ZNF710: variants seen among roughly 807,000 people sequenced by gnomAD.
The protein encoded by ZNF710 is zinc finger protein 710.
In ZNF710, 13 loss-of-function variants were observed where a neutral mutation model predicts 50.6. The ratio of observed to expected loss-of-function variants is 0.26; its 90% CI spans 0.17 to 0.41. The LOEUF is 0.41. ZNF710 is among the 10% of genes least tolerant of loss of function. The probability of loss-of-function intolerance (pLI) is 1.00; values close to 1 mark genes in which losing one functional copy is unlikely to be tolerated. For missense variants in ZNF710, 721 were observed against 936.6 expected (o/e 0.77, Z 3.01); for synonymous variants, 383 against 397.0 (o/e 0.96, Z 0.42).
At chr15:90,069,568 T>C (rs1362678527) in intron 2 of ZNF710, among the ~76,000 whole-genome samples, 1 of 152,132 alleles carries the variant, frequency 6.6e-6, no homozygotes, top group Non-Finnish European at 1.5e-5. Flanking sequence ...TGGTCAGAAG[T>C]ACAGAGGGTG....
At chr15:90,008,453 T>TATATATATACAC (rs1898208603) in intron 1 of ZNF710, among the ~76,000 whole-genome samples, 25 of 127,914 alleles carry the variant, frequency 2.0e-4, no homozygotes, top group African/African-American at 8.3e-4. Context: ...TATATATATA[T>TATATATATACAC]GTATATATAT....
Position 90,067,020 on chromosome 15 carries a change from A to C in ZNF710, c.-28-90A>C. ...AAGACATCAGAGCCAGACACACCCA[A>C]AATCAGCCAAGCCCTTGTCTGTGCT... On this transcript the variant is annotated intron_variant, in intron 1 of 4. Coordinates refer to ENST00000268154, the MANE Select transcript of ZNF710 (RefSeq NM_198526.4). This position sits in a 1 kb window ranked among gnomAD's most constrained non-coding sequence, Gnocchi z 8.1. 7.0e-6 allele frequency: 10 copies of C among 1,429,194 alleles called. No individual in the cohort carries two copies. The South Asian group carries it at 1.5e-4, about 21-fold the overall frequency. The allele number at this position is 1,429,194 out of a possible 1,614,324, so 88.5% of individuals were successfully genotyped here.
In ZNF710 at chr15:90,080,829, G is replaced by C. The variant is rs1900704727; in HGVS notation, c.*1000G>C. On this transcript the variant is annotated 3_prime_UTR_variant, in exon 5 of 5. Coordinates refer to ENST00000268154, the MANE Select transcript of ZNF710 (RefSeq NM_198526.4). ...GTAAAGCCCACAGAGGGAAATCAAG[G>C]GTTTTTTTGAGCAAAGGGGGTCTTC... The C allele has an allele frequency of 6.6e-6, 1 of 152,216 alleles. No homozygotes were observed. The highest frequency in any genetic ancestry group is 6.5e-5 in the Admixed American group (1 of 15,286). 9.4% of individuals were successfully genotyped at this position (152,216 alleles called of 1,614,324 possible).
intron 1 of ZNF710, among the ~76,000 whole-genome samples, chr15:90,047,862 C>T (rs1449530911): frequency 6.6e-6 from 1 of 152,186 alleles, no homozygotes; most frequent in East Asian, 1.9e-4. Flanking sequence ...GCTGGGATTA[C>T]AGGCATGAGC....
Position 90,056,014 on chromosome 15 carries a change from G to A in ZNF710, c.-28-11096G>A, listed in dbSNP as rs113772642. ...CACCTGTAATCCTAGCTATCTGGGA[G>A]GCTGAGGCAGGAGAATCGCTTGAAC... On this transcript the variant is annotated intron_variant, in intron 1 of 4. Coordinates refer to ENST00000268154, the MANE Select transcript of ZNF710 (RefSeq NM_198526.4). Among the ~76,000 whole-genome samples, 1,467 of 151,984 alleles carry A rather than the reference G, an allele frequency of 9.7e-3. 32 individuals are homozygous for A. The highest frequency in any genetic ancestry group is 0.033 in the African/African-American group (1,384 of 41,346).
At position 90,059,466 on chromosome 15, in the gene ZNF710, C is replaced by T. The variant is rs1194645192; in HGVS notation, c.-28-7644C>T. ...TCAGTTTCCTCATCTGTTAACAGGG[C>T]CGGGTATGGTGCGCATCACGGGGGT... On this transcript the variant is annotated intron_variant, in intron 1 of 4. Coordinates refer to ENST00000268154, the MANE Select transcript of ZNF710 (RefSeq NM_198526.4). The surrounding 1 kb of genome is among the most constrained non-coding windows in gnomAD (Gnocchi z 4.1). 6.6e-6 allele frequency among the ~76,000 whole-genome samples: 1 copy of T among 152,148 alleles called. No homozygotes were observed. The highest frequency in any genetic ancestry group is 2.4e-5 in the African/African-American group (1 of 41,434).
At chr15:90,013,008 A>T (rs1264594928) in intron 1 of ZNF710, among the ~76,000 whole-genome samples, 2 of 152,140 alleles carry the variant, frequency 1.3e-5, no homozygotes, top group African/African-American at 4.8e-5. Context: ...ATTTGCAATT[A>T]TAGTTGTATT....
intron 3 of ZNF710, 117 bp from the exon 4 acceptor site, chr15:90,073,999 A>AT: frequency 1.0e-6 from 1 of 952,424 alleles, no homozygotes; most frequent in Non-Finnish European, 1.4e-6. Context: ...CAAAAAAAAA[A>AT]CAAAAAAAAA....
intron 1 of ZNF710, among the ~76,000 whole-genome samples, chr15:90,004,980 C>G (rs984917734): frequency 2.0e-5 from 3 of 152,202 alleles, no homozygotes; most frequent in African/African-American, 7.2e-5. Flanking sequence ...TCGGGATTTT[C>G]TCACATCACA....
intron 2 of ZNF710, among the ~76,000 whole-genome samples, chr15:90,072,113 G>A (rs1346914139): frequency 6.6e-6 from 1 of 152,138 alleles, no homozygotes; most frequent in Non-Finnish European, 1.5e-5. Context: ...CCAGCTCCCA[G>A]CTTTTATCCT....
chr15:90,035,934 T>G (rs1899109848), intron 1 of ZNF710, among the ~76,000 whole-genome samples: 1 of 152,212 alleles, frequency 6.6e-6, no homozygotes, highest in African/African-American at 2.4e-5. Context: ...CACCATTGCA[T>G]GCCCCCAAGG....
intron 1 of ZNF710, among the ~76,000 whole-genome samples, chr15:90,050,539 A>G (rs1191739865): frequency 6.6e-6 from 1 of 152,132 alleles, no homozygotes; most frequent in Non-Finnish European, 1.5e-5. Context: ...TTGGGTAATA[A>G]ACACCACAGA....
chr15:90,007,502 C>G (rs546486764), intron 1 of ZNF710, among the ~76,000 whole-genome samples: 1 of 152,194 alleles, frequency 6.6e-6, no homozygotes, highest in East Asian at 1.9e-4. Context: ...GTAGCTTTCA[C>G]TGGCCTCAAG....
rs2151544903 is a variant in ZNF710 at position 90,082,140 on chromosome 15, T to C, written c.*2311T>C. On this transcript the variant is annotated 3_prime_UTR_variant, in exon 5 of 5. Coordinates refer to ENST00000268154, the MANE Select transcript of ZNF710 (RefSeq NM_198526.4). ...GCCCTACTGTGTTTTTATGTTCCTG[T>C]TTAAAAGAGAAGTTTACTTAGCAAT... is the stretch of plus-strand genomic sequence containing the variant. The C allele has an allele frequency of 6.6e-6, 1 of 152,268 alleles. No homozygotes were observed. Among genetic ancestry groups the C allele is most frequent in the Admixed American group, 6.5e-5 (1 of 15,302 alleles). 9.4% of individuals were successfully genotyped at this position (152,268 alleles called of 1,614,324 possible).
chr15:90,060,592 G>A (rs1329761453), intron 1 of ZNF710, among the ~76,000 whole-genome samples: 3 of 152,266 alleles, frequency 2.0e-5, no homozygotes, highest in African/African-American at 7.2e-5. Flanking sequence ...AGTAGCTCAC[G>A]CCTGTAATCC....
chr15:90,061,988 G>A (rs1384974539), intron 1 of ZNF710, among the ~76,000 whole-genome samples: 2 of 151,916 alleles, frequency 1.3e-5, no homozygotes, highest in African/African-American at 2.4e-5. Context: ...GCCCCCAGAC[G>A]ATGAGTCTTT....
intron 1 of ZNF710, among the ~76,000 whole-genome samples, chr15:90,020,503 C>A (rs1898584088): frequency 6.6e-6 from 1 of 152,000 alleles, no homozygotes; most frequent in African/African-American, 2.4e-5. Flanking sequence ...CGGGGAGACA[C>A]AGCATGCCAG....
chr15:90,049,149 A>C (rs1400095193), intron 1 of ZNF710, among the ~76,000 whole-genome samples: 1 of 152,242 alleles, frequency 6.6e-6, no homozygotes, highest in Non-Finnish European at 1.5e-5. Flanking sequence ...ATCAGAAGCC[A>C]GCCCCCAGTT....
chr15:90,024,345 C>T (rs1394126273), intron 1 of ZNF710, among the ~76,000 whole-genome samples: 4 of 152,228 alleles, frequency 2.6e-5, no homozygotes, highest in African/African-American at 9.6e-5. Context: ...CTCCCTCTGA[C>T]TCCTATGGAC....
Sources: gnomAD v4.1 joint callset for allele counts (sites outside exome capture counted in the v4.1 genomes callset) on GRCh38, gnomAD v4.1.1 for gene constraint, Gnocchi (gnomAD v3.1) non-coding constraint, MANE v1.5 for transcripts, NCBI Gene and HGNC (gene_info 2026-07-23, HGNC 2026-07-21) for gene names.